Variants in VWA8 observed in about 807,000 individuals in gnomAD.
VWA8 encodes the protein von Willebrand factor A domain containing 8.
VWA8 carries 221 observed loss-of-function variants against 241.5 expected under a neutral mutation model. That is an observed-to-expected ratio of 0.91 (90% CI 0.82 to 1.02). The LOEUF (loss-of-function observed/expected upper bound fraction) is 1.02. Among genes scored for constraint, VWA8 ranks in the 50% least tolerant of loss-of-function variants. The pLI is 0.00. For synonymous variants in VWA8, 852 were observed against 827.1 expected, an observed-to-expected ratio of 1.03 and a Z score of -0.52; for missense variants, 2,322 against 2,328.7, an observed-to-expected ratio of 1.00 and a Z score of 0.06.
At chr13:41,913,478 A>G (rs1429123303) in intron 2 of VWA8, among the ~76,000 whole-genome samples, 9 of 152,200 alleles carry the variant, frequency 5.9e-5, no homozygotes, top group Non-Finnish European at 2.9e-5. Context: ...AACTTTGTTT[A>G]ATCACCCCAC....
At chr13:41,611,030 A>G (rs188624891) in intron 39 of VWA8, among the ~76,000 whole-genome samples, 1 of 152,188 alleles carries the variant, frequency 6.6e-6, no homozygotes, top group Non-Finnish European at 1.5e-5. Context: ...CATAGACACT[A>G]TGCTCATCCT....
intron 21 of VWA8, among the ~76,000 whole-genome samples, chr13:41,735,631 G>A (rs2137870360): frequency 6.6e-6 from 1 of 152,210 alleles, no homozygotes; most frequent in South Asian, 2.1e-4. Context: ...GCAAAGGCTA[G>A]TAAAATATGT....
chr13:41,692,591 T>A (rs1049559329), intron 30 of VWA8, among the ~76,000 whole-genome samples: 1 of 152,122 alleles, frequency 6.6e-6, no homozygotes, highest in Non-Finnish European at 1.5e-5. Flanking sequence ...AAATACGATA[T>A]TCAAATAGTT....
chr13:41,861,539 T>C (rs2138043375), intron 12 of VWA8, among the ~76,000 whole-genome samples: 2 of 152,184 alleles, frequency 1.3e-5, no homozygotes, highest in African/African-American at 4.8e-5. Context: ...ATTCTACACC[T>C]AAAAAACCCT....
At position 41,826,244 on chromosome 13, in the gene VWA8, A is replaced by G. The variant is rs563525783; in HGVS notation, c.1700+4285T>C. Among the ~76,000 whole-genome samples the G allele has an allele frequency of 5.3e-5, 8 of 152,302 alleles. 1 individual carries two copies. Among genetic ancestry groups the G allele is most frequent in the African/African-American group, 1.9e-4 (8 of 41,568 alleles). ...AGAAAATGGTGTGGTTCTCAGGTAA[A>G]AAGAAAAATTACAGATAAGGAAAGG... On this transcript the variant is annotated intron_variant, in intron 14 of 44. Coordinates refer to ENST00000379310, the MANE Select transcript of VWA8 (RefSeq NM_015058.2).
At chr13:41,636,621 A>C (rs982151980) in intron 37 of VWA8, among the ~76,000 whole-genome samples, 2 of 151,956 alleles carry the variant, frequency 1.3e-5, no homozygotes, top group Non-Finnish European at 1.5e-5. Flanking sequence ...AAAAGAAACT[A>C]CCTATAGGCA....
intron 3 of VWA8, among the ~76,000 whole-genome samples, chr13:41,910,383 G>T (rs1274709991): frequency 6.6e-6 from 1 of 152,072 alleles, no homozygotes; most frequent in African/African-American, 2.4e-5. Flanking sequence ...TCAGGAGTTG[G>T]AGACCAGCCT....
chr13:41,886,727 CA>C, intron 7 of VWA8, 53 bp downstream of exon 7: 1 of 1,409,070 alleles, frequency 7.1e-7, no homozygotes, highest in South Asian at 1.3e-5. Context: ...AATCAATGAA[CA>C]GGCAAAACAA....
chr13:41,790,228 T>C (rs1444471318), intron 17 of VWA8, among the ~76,000 whole-genome samples: 3 of 152,116 alleles, frequency 2.0e-5, no homozygotes, highest in African/African-American at 7.2e-5. Context: ...TAGTCTTTCC[T>C]GCAAGCAAAA....
At chr13:41,713,040 C>G (rs2045328169) in intron 26 of VWA8, among the ~76,000 whole-genome samples, 1 of 152,122 alleles carries the variant, frequency 6.6e-6, no homozygotes, top group African/African-American at 2.4e-5. Context: ...GTTAAAATGC[C>G]ATAGAAATGC....
At chr13:41,947,958 AC>A (rs202110444) in intron 2 of VWA8, among the ~76,000 whole-genome samples, 18,226 of 121,056 alleles carry the variant, frequency 0.15, 6,399 homozygotes, top group Non-Finnish European at 0.2. Flanking sequence ...AAAAAACAAA[AC>A]AAAACATTTT....
At chr13:41,862,386 C>A (rs1279085329) in intron 12 of VWA8, among the ~76,000 whole-genome samples, 2 of 152,076 alleles carry the variant, frequency 1.3e-5, no homozygotes, top group East Asian at 3.9e-4. Context: ...TGGGCCTTGG[C>A]AAAGAATTTA....
chr13:41,661,277 C>A (rs2044948395), intron 37 of VWA8, among the ~76,000 whole-genome samples: 1 of 152,096 alleles, frequency 6.6e-6, no homozygotes, highest in African/African-American at 2.4e-5. Context: ...CTATGGGAAC[C>A]AACATAATTT....
At chr13:41,666,820 T>C (rs2044989629) in intron 37 of VWA8, among the ~76,000 whole-genome samples, 2 of 152,130 alleles carry the variant, frequency 1.3e-5, no homozygotes, top group African/African-American at 2.4e-5. Context: ...AACAGCTGGA[T>C]CATCTTGCTG....
At chr13:41,850,065 A>G (rs995071814) in intron 12 of VWA8, among the ~76,000 whole-genome samples, 4 of 152,158 alleles carry the variant, frequency 2.6e-5, no homozygotes, top group Non-Finnish European at 5.9e-5. Flanking sequence ...TTCACCGATC[A>G]TCAAGAATAG....
Position 41,568,216 on chromosome 13 carries a change from G to C in VWA8, c.5699C>G (p.Thr1900Ser). The change falls in exon 45 of 45, where the codon ACC becomes AGC. Residue 1900 changes from threonine to serine, a missense_variant. Thr to Ser is a moderately conservative substitution (Grantham distance 58). Transcript: ENST00000379310. ...PQILQQIFTS[T>S]MLSSV ...CACTTCTTAGACACTCGACAACATGGTGGAGGTGAAGATCTGTTGTAAAAT... is the reference window on the plus strand; with the variant it reads ...CACTTCTTAGACACTCGACAACATGCTGGAGGTGAAGATCTGTTGTAAAAT... 4 of 1,614,036 alleles carry C rather than the reference G, an allele frequency of 2.5e-6. No individual in the cohort carries two copies.
At chr13:41,828,626 G>A (rs1871283334) in intron 14 of VWA8, among the ~76,000 whole-genome samples, 1 of 152,016 alleles carries the variant, frequency 6.6e-6, no homozygotes, top group Non-Finnish European at 1.5e-5. Flanking sequence ...TTCTCACTCT[G>A]AGAAAGAGAG....
At chr13:41,750,446 A>T (rs911903425) in intron 21 of VWA8, among the ~76,000 whole-genome samples, 1 of 149,130 alleles carries the variant, frequency 6.7e-6, no homozygotes, top group African/African-American at 2.5e-5. Flanking sequence ...AACAACAACA[A>T]CAACAACAAC....
chr13:41,739,472 A>G (rs570697161), intron 21 of VWA8, among the ~76,000 whole-genome samples: 1 of 152,318 alleles, frequency 6.6e-6, no homozygotes, highest in East Asian at 1.9e-4. Context: ...TTTTGTATAT[A>G]GCATAATATT....
Sources: gnomAD v4.1 joint callset for allele counts (sites outside exome capture counted in the v4.1 genomes callset) on GRCh38, gnomAD v4.1.1 for gene constraint, MANE v1.5 for transcripts, NCBI Gene and HGNC (gene_info 2026-07-23, HGNC 2026-07-21) for gene names.